The following RUNX1 variants were observed in gnomAD, a reference collection of about 807,000 sequenced individuals.
RUNX1 encodes the protein RUNX family transcription factor 1.
In RUNX1, 19 loss-of-function variants were observed where a neutral mutation model predicts 42.8. The ratio of observed to expected loss-of-function variants is 0.44; its 90% CI spans 0.31 to 0.65. The LOEUF is 0.65. Among genes scored for constraint, RUNX1 ranks in the 30% least tolerant of loss-of-function variants. The pLI is 0.07. For synonymous variants in RUNX1, 271 were observed against 289.4 expected (o/e 0.94, Z 0.64); for missense variants, 528 against 672.0 (o/e 0.79, Z 2.37).
chr21:35,007,204 G>C (rs1162570933), intron 2 of RUNX1, among the ~76,000 whole-genome samples: 1 of 152,174 alleles, frequency 6.6e-6, no homozygotes, highest in Non-Finnish European at 1.5e-5. Flanking sequence ...TTAATCTCAC[G>C]TGTTTCTTTT....
At chr21:34,855,658 G>A (rs534169854) in intron 6 of RUNX1, among the ~76,000 whole-genome samples, 12 of 152,264 alleles carry the variant, frequency 7.9e-5, no homozygotes, top group African/African-American at 2.9e-4. Flanking sequence ...GCAGTGAGCC[G>A]AGATTGTGCC....
chr21:34,976,499 C>A (rs1004735427), intron 2 of RUNX1, among the ~76,000 whole-genome samples: 11 of 152,170 alleles, frequency 7.2e-5, no homozygotes, highest in Non-Finnish European at 1.5e-4. Flanking sequence ...TAATTTTCAT[C>A]CCCCTGGGTG....
intron 2 of RUNX1, among the ~76,000 whole-genome samples, chr21:34,993,766 C>CAG (rs2058970722): frequency 1.1e-5 from 1 of 94,800 alleles, no homozygotes; most frequent in African/African-American, 6.6e-5. Flanking sequence ...CACACACAGG[C>CAG]GCACACACAC....
At chr21:34,886,645 G>A (rs1230756635) in intron 4 of RUNX1, among the ~76,000 whole-genome samples, 198 bp downstream of exon 4, 6 of 152,238 alleles carry the variant, frequency 3.9e-5, no homozygotes, top group Admixed American at 1.3e-4. Context: ...GGCCGCCCCA[G>A]AAAGCTGAGA....
chr21:34,792,303 C>CGGGGGGGGGGG lies in RUNX1; in HGVS notation c.1274_1275insCCCCCCCCCCC (p.Arg427ProfsTer171). ...TGGTGCAGGGCGGCAGGATGCGCGG[C>CGGGGGGGGGGG]GGCGAGCGCTCGCCGCCCACCATGG... On this transcript the variant is annotated frameshift_variant, in exon 9 of 9. Coordinates refer to ENST00000675419, the MANE Select transcript of RUNX1 (RefSeq NM_001754.5). LOFTEE classifies it high-confidence loss of function. This position sits in a 1 kb window ranked among gnomAD's most constrained non-coding sequence, Gnocchi z 6.9. 1.3e-6 allele frequency: 2 copies of CGGGGGGGGGGG among 1,536,106 alleles called. No homozygotes were observed. Among genetic ancestry groups the CGGGGGGGGGGG allele is most frequent in the Non-Finnish European group, 8.8e-7 (1 of 1,142,286 alleles).
intron 3 of RUNX1, chr21:34,887,868 C>T (rs1276249583): frequency 9.4e-7 from 1 of 1,064,938 alleles, no homozygotes; most frequent in Non-Finnish European, 1.1e-6. Flanking sequence ...GTCATGTTCT[C>T]TGTTCTCTCA....
chr21:34,888,760 C>G, intron 3 of RUNX1: 1 of 917,374 alleles, frequency 1.1e-6, no homozygotes, highest in Non-Finnish European at 1.3e-6. Context: ...TCCCTCAGCT[C>G]GTTTGCATAG....
At chr21:34,931,483 AT>A (rs1238724254) in intron 2 of RUNX1, among the ~76,000 whole-genome samples, 1 of 145,846 alleles carries the variant, frequency 6.9e-6, no homozygotes, top group Non-Finnish European at 1.5e-5. Context: ...ATATATGTAT[AT>A]AATGTATATG....
intron 5 of RUNX1, among the ~76,000 whole-genome samples, chr21:34,859,852 G>A (rs1049190648): frequency 9.2e-5 from 14 of 152,176 alleles, no homozygotes; most frequent in African/African-American, 3.4e-4. Context: ...TGTTAAGTCA[G>A]GATTTCCGGA....
intron 6 of RUNX1, 64 bp downstream of exon 6, chr21:34,859,410 A>AGTATACCAGCCTGGAGG: frequency 8.3e-7 from 1 of 1,201,586 alleles, no homozygotes; most frequent in Non-Finnish European, 1.2e-6. Context: ...ATGGTCCCTG[A>AGTATACCAGCCTGGAGG]GTATACCAGC....
intron 5 of RUNX1, among the ~76,000 whole-genome samples, chr21:34,878,057 A>C (rs2057839762): frequency 6.6e-6 from 1 of 152,132 alleles, no homozygotes; most frequent in Non-Finnish European, 1.5e-5. Flanking sequence ...TCTTAAGATC[A>C]CTTAATAAAA....
chr21:34,801,529 TA>T (rs906503208), intron 7 of RUNX1, among the ~76,000 whole-genome samples: 28 of 152,366 alleles, frequency 1.8e-4, no homozygotes, highest in African/African-American at 6.7e-4. Context: ...TTTTGTTTTT[TA>T]AAGACAGGCT....
At chr21:34,865,323 T>TTC (rs1295408484) in intron 5 of RUNX1, among the ~76,000 whole-genome samples, 1 of 138,940 alleles carries the variant, frequency 7.2e-6, no homozygotes, top group Non-Finnish European at 1.6e-5. Context: ...TGTGTGTGTG[T>TTC]GTTCAGCAGG....
intron 2 of RUNX1, among the ~76,000 whole-genome samples, chr21:35,039,266 G>A (rs1193945175): frequency 3.9e-5 from 6 of 152,146 alleles, no homozygotes; most frequent in Admixed American, 3.3e-4. Flanking sequence ...CTGCAAAACT[G>A]TGGGTGACAG....
At chr21:34,817,165 G>A (rs536737980) in intron 7 of RUNX1, among the ~76,000 whole-genome samples, 1 of 152,268 alleles carries the variant, frequency 6.6e-6, no homozygotes, top group South Asian at 2.1e-4. Context: ...CGTCACTCAA[G>A]GTCACATAGA....
intron 2 of RUNX1, among the ~76,000 whole-genome samples, chr21:34,999,547 C>T (rs1307584350): frequency 2.0e-5 from 3 of 152,134 alleles, no homozygotes; most frequent in Admixed American, 1.3e-4. Context: ...CTGCAGATCT[C>T]AGGGTCTGGT....
At chr21:35,028,291 C>A (rs1430099867) in intron 2 of RUNX1, among the ~76,000 whole-genome samples, 1 of 152,166 alleles carries the variant, frequency 6.6e-6, no homozygotes, top group Admixed American at 6.5e-5. Context: ...TTTTAACAAA[C>A]GCTTTGAGGA....
intron 2 of RUNX1, among the ~76,000 whole-genome samples, chr21:35,013,966 T>C (rs2059142647): frequency 1.3e-5 from 2 of 152,324 alleles, no homozygotes; most frequent in African/African-American, 4.8e-5. Flanking sequence ...AAAAGTAGTT[T>C]ACAAAGCAGC....
chr21:35,003,192 A>G (rs983623626), intron 2 of RUNX1, among the ~76,000 whole-genome samples: 1 of 152,244 alleles, frequency 6.6e-6, no homozygotes, highest in Non-Finnish European at 1.5e-5. Flanking sequence ...AAAAGTCATC[A>G]GTGTATCTTA....
Sources: gnomAD v4.1 joint callset for allele counts (sites outside exome capture counted in the v4.1 genomes callset) on GRCh38, gnomAD v4.1.1 for gene constraint, Gnocchi (gnomAD v3.1) non-coding constraint, MANE v1.5 for transcripts, NCBI Gene and HGNC (gene_info 2026-07-23, HGNC 2026-07-21) for gene names.